Variants in TULP4 observed in about 807,000 individuals in gnomAD.
TULP4 encodes the protein tubby-related protein 4.
In TULP4, 16 loss-of-function variants were observed where a neutral mutation model predicts 129.0. The observed-to-expected ratio is 0.12, with a 90% CI of 0.08 to 0.19. TULP4 has a LOEUF of 0.19. Among genes scored for constraint, TULP4 ranks in the 10% least tolerant of loss-of-function variants. TULP4 has a pLI of 1.00. For synonymous variants in TULP4, 998 were observed against 854.0 expected (o/e 1.17, Z -2.94); for missense variants, 1,842 against 2,059.1 (o/e 0.89, Z 2.04).
chr6:158,262,819 C>T (rs910857951), intron 1 of TULP4, among the ~76,000 whole-genome samples: 12 of 152,132 alleles, frequency 7.9e-5, no homozygotes, highest in African/African-American at 2.9e-4. Context: ...TTCAGGAGTG[C>T]AGCCGGTTGT....
Position 158,493,835 on chromosome 6 carries a change from C to A in TULP4, c.1776+118C>A. ...CCACCATGGGTCCCTGAGCTCTGCT[C>A]CACATCCTGCACACCACCTACTACC... is the stretch of plus-strand genomic sequence containing the variant. On this transcript the variant is annotated intron_variant, in intron 10 of 13. Coordinates refer to ENST00000367097, the MANE Select transcript of TULP4 (RefSeq NM_020245.5). This position sits in a 1 kb window ranked among gnomAD's most constrained non-coding sequence, Gnocchi z 4.4. 1 of 1,168,518 alleles carries A rather than the reference C, an allele frequency of 8.6e-7. No individual in the cohort carries two copies. Among genetic ancestry groups the A allele is most frequent in the Non-Finnish European group, 1.2e-6 (1 of 866,036 alleles). 72.4% of individuals were successfully genotyped at this position (1,168,518 alleles called of 1,614,324 possible).
chr6:158,491,920 G>T (rs995467448), intron 9 of TULP4, among the ~76,000 whole-genome samples: 1 of 148,204 alleles, frequency 6.7e-6, no homozygotes, highest in Non-Finnish European at 1.5e-5. Flanking sequence ...GTGCAGTGGC[G>T]TGATCTTGGC....
chr6:158,385,972 A>G (rs1777439865), intron 1 of TULP4, among the ~76,000 whole-genome samples: 1 of 150,594 alleles, frequency 6.6e-6, no homozygotes, highest in African/African-American at 2.4e-5. Flanking sequence ...CGCCTCCTGA[A>G]TAACTGGGAC....
At position 158,238,286 on chromosome 6, in the gene TULP4, C is replaced by T. The variant is rs538026940; in HGVS notation, n.68+5983C>T. 6 of 1,131,268 alleles carry T rather than the reference C, an allele frequency of 5.3e-6. No homozygotes were observed. In the South Asian group the frequency reaches 6.4e-5, roughly 12 times the overall value. The allele number at this position is 1,131,268 out of a possible 1,614,324, so 70.1% of individuals were successfully genotyped here. A position where few individuals can be genotyped will look rare whatever the true frequency, so the allele number is the denominator to read the frequency against. Reference sequence around the variant, plus strand: ...TATTGCTTTTGTGTGCTGCTTTTCACGCAGAGCTGGGCACCTTGGGTTAAC... The same window carrying T: ...TATTGCTTTTGTGTGCTGCTTTTCATGCAGAGCTGGGCACCTTGGGTTAAC... On this transcript the variant is annotated intron_variant and non_coding_transcript_variant, in intron 1 of 1. Transcript: ENST00000620026.
chr6:158,332,181 AAAAAAAAAAAAAAAAAAAAAT>A (rs1350719178), intron 1 of TULP4, among the ~76,000 whole-genome samples: 16 of 77,278 alleles, frequency 2.1e-4, no homozygotes, highest in South Asian at 4.6e-4. Context: ...AAAAAAAAAA[AAAAAAAAAAAAAAAAAAAAAT>A]ATATATATAT....
chr6:158,503,760 G>A lies in TULP4; in HGVS notation c.4097G>A (p.Ser1366Asn), dbSNP rs546390777. 15 of 1,614,146 alleles carry A rather than the reference G, an allele frequency of 9.3e-6. No homozygotes were observed. In the Middle Eastern group the frequency reaches 1.5e-3, roughly 160 times the overall value. The change falls in exon 13 of 14, where the codon AGT becomes AAT. Residue 1366 changes from serine to asparagine, a missense_variant. Transcript: ENST00000367097. This position sits in a 1 kb window ranked among gnomAD's most constrained non-coding sequence, Gnocchi z 4.3. ...GTGAAGAAGGAGGCTAGGACTTTGA[G>A]TGACTTTAATTCCCTAATCTCCAGC... is the stretch of plus-strand genomic sequence containing the variant. ...GKVKKEARTL[S>N]DFNSLISSPH... is the part of the protein sequence containing the mutation.
chr6:158,352,482 C>T (rs1001010713), intron 1 of TULP4, among the ~76,000 whole-genome samples: 2 of 152,172 alleles, frequency 1.3e-5, no homozygotes, highest in African/African-American at 4.8e-5. Context: ...CTGCAAACTC[C>T]ACCTCCCGGG....
chr6:158,250,266 T>C (rs1778115275), intron 1 of TULP4, among the ~76,000 whole-genome samples: 1 of 152,130 alleles, frequency 6.6e-6, no homozygotes, highest in African/African-American at 2.4e-5. Context: ...CAAGCGATTA[T>C]TCTGTCTCAG....
At chr6:158,296,080 C>A (rs1583713362) in intron 1 of TULP4, among the ~76,000 whole-genome samples, 1 of 152,208 alleles carries the variant, frequency 6.6e-6, no homozygotes, top group East Asian at 1.9e-4. Context: ...TTCTGAACTT[C>A]ATATAATTGA....
At chr6:158,467,339 T>C (rs1034722036) in intron 6 of TULP4, among the ~76,000 whole-genome samples, 1 of 151,506 alleles carries the variant, frequency 6.6e-6, no homozygotes, top group African/African-American at 2.4e-5. Context: ...GAGTGCAATG[T>C]TGCGATCAGC....
At chr6:158,384,729 G>A (rs1777402624) in intron 1 of TULP4, among the ~76,000 whole-genome samples, 4 of 152,208 alleles carry the variant, frequency 2.6e-5, no homozygotes, top group Non-Finnish European at 5.9e-5. Flanking sequence ...TAGGCATGAG[G>A]AGTGACTCCG....
chr6:158,259,324 C>T (rs887536401), intron 1 of TULP4, among the ~76,000 whole-genome samples: 10 of 152,176 alleles, frequency 6.6e-5, no homozygotes, highest in South Asian at 2.1e-4. Flanking sequence ...TGTATCTCAT[C>T]AGGGTCACTG....
chr6:158,242,282 T>C (rs988963635), intron 1 of TULP4: 14 of 1,543,114 alleles, frequency 9.1e-6, no homozygotes, highest in South Asian at 2.2e-5. Context: ...GCACATGCAG[T>C]GTTTAGCACA....
At chr6:158,240,151 G>A (rs1583665697) in intron 1 of TULP4, among the ~76,000 whole-genome samples, 2 of 54,858 alleles carry the variant, frequency 3.6e-5, no homozygotes, top group African/African-American at 1.2e-4. Flanking sequence ...CAGACGGGGC[G>A]GCTGGCCGGG....
At chr6:158,238,389 C>A in intron 1 of TULP4, 3 of 605,158 alleles carry the variant, frequency 5.0e-6, no homozygotes, top group East Asian at 2.7e-5. Context: ...GGTTTGTGTA[C>A]ATAGCAAGTA....
intron 1 of TULP4, among the ~76,000 whole-genome samples, chr6:158,349,077 C>T (rs1394524059): frequency 3.4e-5 from 4 of 117,424 alleles, no homozygotes; most frequent in African/African-American, 8.8e-5. Flanking sequence ...CAGGCAGAGG[C>T]GCTCCTCACT....
intron 3 of TULP4, among the ~76,000 whole-genome samples, chr6:158,444,811 G>C (rs1778995950): frequency 6.6e-6 from 1 of 152,082 alleles, no homozygotes. Flanking sequence ...TTATTGCATT[G>C]CTTTGTGTGT....
At chr6:158,300,351 A>G (rs1278092067) in intron 1 of TULP4, among the ~76,000 whole-genome samples, 1 of 152,132 alleles carries the variant, frequency 6.6e-6, no homozygotes, top group Non-Finnish European at 1.5e-5. Context: ...CAGTCAGAGT[A>G]TGTCTTTAGG....
intron 1 of TULP4, among the ~76,000 whole-genome samples, chr6:158,379,023 C>G (rs112612233): frequency 0.011 from 1,710 of 152,244 alleles, 38 homozygotes; most frequent in African/African-American, 0.039. Context: ...GGGAAGCAGC[C>G]TGTCCTTAGG....
Sources: allele counts gnomAD v4.1 joint callset (sites outside exome capture counted in the v4.1 genomes callset), GRCh38; gene constraint gnomAD v4.1.1; non-coding constraint Gnocchi (gnomAD v3.1); transcripts MANE v1.5; gene names NCBI Gene and HGNC (gene_info 2026-07-23, HGNC 2026-07-21).